The following DMD variants were observed in gnomAD, a reference collection of about 807,000 sequenced individuals.
DMD encodes mutant dystrophin.
In DMD, 63 loss-of-function variants were observed where a neutral mutation model predicts 330.1. The ratio of observed to expected loss-of-function variants is 0.19; its 90% CI spans 0.16 to 0.24. DMD has a LOEUF of 0.24. Ranked by LOEUF, DMD falls within the 10% of genes least tolerant of loss-of-function variation. The pLI is 1.00. For missense variants in DMD, 3,344 were observed against 2,684.1 expected (o/e 1.25, Z -5.43); for synonymous variants, 1,223 against 959.8 (o/e 1.27, Z -5.07).
intron 62 of DMD, among the ~76,000 whole-genome samples, chrX:31,301,182 A>G (rs2054612797): frequency 9.0e-6 from 1 of 111,731 alleles, no homozygotes; most frequent in African/African-American, 3.3e-5. Flanking sequence ...CTTCACAAGG[A>G]GGATGCGAAG....
At chrX:33,259,852 C>T in intron 1 of DMD, among the ~76,000 whole-genome samples, 1 of 109,892 alleles carries the variant, frequency 9.1e-6, no homozygotes. Flanking sequence ...TAGTAATATG[C>T]ACTTACAGTT....
In DMD at chrX:32,092,724, C is replaced by CTTTTTTTTTTTTT. The variant is rs11315047; in HGVS notation, c.6438+124179_6438+124191dup. On this transcript the variant is annotated intron_variant, in intron 44 of 78. Coordinates refer to ENST00000357033, the MANE Select transcript of DMD (RefSeq NM_004006.3). ...AAAAATGTTCATCACGTTATTTTCA[C>CTTTTTTTTTTTTT]TTTTTTTTTTTTTTTTTTTTTTTTT... Among the ~76,000 whole-genome samples the CTTTTTTTTTTTTT allele has an allele frequency of 2.3e-4, 9 of 39,794 alleles. 1 individual carries two copies. The highest frequency in any genetic ancestry group is 3.3e-4 in the African/African-American group (3 of 9,088). The allele number at this position is 39,794 out of a possible 115,157, so 34.6% of individuals were successfully genotyped here.
At chrX:32,622,008 A>G (rs1010703422) in intron 11 of DMD, among the ~76,000 whole-genome samples, 2 of 111,740 alleles carry the variant, frequency 1.8e-5, no homozygotes, top group African/African-American at 6.5e-5. Flanking sequence ...TTACTGCTCT[A>G]GGTAACTTTA....
intron 44 of DMD, among the ~76,000 whole-genome samples, chrX:32,205,035 A>ACACACACACACC (rs1557210639): frequency 5.8e-5 from 5 of 86,468 alleles, no homozygotes; most frequent in South Asian, 6.0e-4. Flanking sequence ...ACACACACAC[A>ACACACACACACC]CACACACCCA....
chrX:31,434,409 A>AGGGT (rs1325744173), intron 60 of DMD, among the ~76,000 whole-genome samples: 2 of 61,314 alleles, frequency 3.3e-5, no homozygotes, highest in African/African-American at 1.6e-4. Context: ...CCCTTACTGC[A>AGGGT]GCGCGCGCGC....
chrX:31,763,995 C>T (rs928713043), intron 51 of DMD, among the ~76,000 whole-genome samples: 2 of 111,107 alleles, frequency 1.8e-5, no homozygotes, highest in East Asian at 5.6e-4. Flanking sequence ...GTCACCTCAG[C>T]CTCCTGAGTA....
intron 9 of DMD, among the ~76,000 whole-genome samples, chrX:32,648,198 T>C (rs2059905301): frequency 8.9e-6 from 1 of 112,029 alleles, no homozygotes; most frequent in African/African-American, 3.2e-5. Context: ...CCTAAATATT[T>C]TGTCTGAGGA....
At chrX:32,429,387 G>GTTATTTTTTTTT (rs1191026907) in intron 29 of DMD, among the ~76,000 whole-genome samples, 9 of 44,201 alleles carry the variant, frequency 2.0e-4, no homozygotes, top group African/African-American at 8.8e-4. Flanking sequence ...TTTTTTTTGG[G>GTTATTTTTTTTT]TTTTTTTTTT....
chrX:32,605,297 C>A (rs764637839), intron 12 of DMD, among the ~76,000 whole-genome samples: 4 of 110,198 alleles, frequency 3.6e-5, no homozygotes, highest in African/African-American at 1.3e-4. Context: ...TGTATATATA[C>A]ACTGGGGAAA....
At chrX:33,198,663 G>C (rs2051097624) in intron 1 of DMD, among the ~76,000 whole-genome samples, 1 of 111,228 alleles carries the variant, frequency 9.0e-6, no homozygotes, top group Admixed American at 9.7e-5. Context: ...AATGTGTTTG[G>C]TTCCAGGTAA....
At chrX:32,524,327 T>G (rs1157906772) in intron 17 of DMD, among the ~76,000 whole-genome samples, 3 of 112,105 alleles carry the variant, frequency 2.7e-5, no homozygotes, top group Non-Finnish European at 5.6e-5. Context: ...GTCTCCTTTT[T>G]TTCCCCTTCA....
chrX:32,680,754 A>G (rs1221844756), intron 9 of DMD, among the ~76,000 whole-genome samples: 2 of 110,058 alleles, frequency 1.8e-5, no homozygotes, highest in African/African-American at 3.3e-5. Flanking sequence ...CTCTCCCCCC[A>G]TCAACTCTCC....
chrX:32,288,488 A>T lies in DMD; in HGVS notation c.6118-787T>A, dbSNP rs139976756. Among the ~76,000 whole-genome samples, 144 of 111,322 alleles carry T rather than the reference A, an allele frequency of 1.3e-3. 1 individual carries two copies. Among genetic ancestry groups the T allele is most frequent in the African/African-American group, 4.5e-3 (139 of 30,609 alleles). ...CTGATAGAAGCTATTATTGTCTCTC[A>T]TCTGGGTTATAGAACTACCTATCTA... On this transcript the variant is annotated intron_variant, in intron 42 of 78. Coordinates refer to ENST00000357033, the MANE Select transcript of DMD (RefSeq NM_004006.3).
intron 29 of DMD, among the ~76,000 whole-genome samples, chrX:32,430,675 C>T (rs1603633319): frequency 1.8e-5 from 2 of 111,499 alleles, no homozygotes; most frequent in Admixed American, 1.9e-4. Context: ...ATTGTATAAC[C>T]TAAACATTGT....
chrX:32,941,537 C>T lies in DMD; in HGVS notation c.93+78602G>A, dbSNP rs1034248894. On this transcript the variant is annotated intron_variant, in intron 2 of 78. Transcript: ENST00000357033. ...CTGTGATGGAGGCCATTATCCTAGGCGAATTCATGCAGCAACGGAACGCCA... is the reference window on the plus strand; with the variant it reads ...CTGTGATGGAGGCCATTATCCTAGGTGAATTCATGCAGCAACGGAACGCCA... Among the ~76,000 whole-genome samples the T allele has an allele frequency of 8.5e-4, 95 of 111,181 alleles. 1 individual carries two copies. The highest frequency in any genetic ancestry group is 8.5e-4 in the Non-Finnish European group (45 of 53,064).
chrX:32,754,166 T>C (rs1427450904), intron 7 of DMD, among the ~76,000 whole-genome samples: 1 of 93,975 alleles, frequency 1.1e-5, no homozygotes, highest in Non-Finnish European at 1.9e-5. Context: ...AAGCACCTTT[T>C]TAAATACTTT....
At chrX:32,880,562 T>A (rs2083836189) in intron 2 of DMD, among the ~76,000 whole-genome samples, 1 of 112,392 alleles carries the variant, frequency 8.9e-6, no homozygotes, top group Non-Finnish European at 1.9e-5. Context: ...TTTTGATTGC[T>A]TTTGAAATAC....
chrX:33,260,309 A>T (rs954533237), intron 1 of DMD, among the ~76,000 whole-genome samples: 1 of 111,370 alleles, frequency 9.0e-6, no homozygotes, highest in Non-Finnish European at 1.9e-5. Context: ...ATGCTTTCTT[A>T]AAAAGATTTT....
intron 5 of DMD, 105 bp downstream of exon 5, chrX:32,823,190 G>A (rs987180502): frequency 4.7e-6 from 3 of 641,935 alleles, no homozygotes; most frequent in South Asian, 4.6e-5. Context: ...TATGGAGCAG[G>A]GTTTGTTATT....
Sources: allele counts gnomAD v4.1 joint callset (sites outside exome capture counted in the v4.1 genomes callset), GRCh38; gene constraint gnomAD v4.1.1; transcripts MANE v1.5; gene names NCBI Gene and HGNC (gene_info 2026-07-23, HGNC 2026-07-21).